Variants in PDZRN4 observed in about 807,000 individuals in gnomAD.
The protein encoded by PDZRN4 is PDZ domain containing ring finger 4, also known as PDZ domain-containing RING finger protein 4.
PDZRN4 carries 70 observed loss-of-function variants against 99.0 expected under a neutral mutation model. The observed-to-expected ratio is 0.71, with a 90% CI of 0.58 to 0.86. PDZRN4 has a LOEUF of 0.86. Among genes scored for constraint, PDZRN4 ranks in the 40% least tolerant of loss-of-function variants. The pLI is 0.00. For synonymous variants in PDZRN4, 551 were observed against 501.6 expected (o/e 1.10, Z -1.32); for missense variants, 1,474 against 1,331.2 (o/e 1.11, Z -1.67).
intron 5 of PDZRN4, among the ~76,000 whole-genome samples, chr12:41,545,257 C>G (rs866348610): frequency 6.6e-6 from 1 of 152,216 alleles, no homozygotes; most frequent in Non-Finnish European, 1.5e-5. Flanking sequence ...CCTCACCCAG[C>G]CCAATCTTAA....
intron 3 of PDZRN4, among the ~76,000 whole-genome samples, chr12:41,403,957 G>T (rs1165175996): frequency 6.6e-6 from 1 of 152,014 alleles, no homozygotes; most frequent in South Asian, 2.1e-4. Flanking sequence ...TATCTATTGG[G>T]GTGTTGGCTG....
chr12:41,573,429 G>A lies in PDZRN4; in HGVS notation c.2650G>A (p.Glu884Lys). Residue 884 changes from glutamate to lysine, a missense_variant, in exon 10 of 10, where the codon GAG becomes AAG. Physicochemically the swap from Glu to Lys is moderately conservative, Grantham distance 56. Coordinates refer to ENST00000402685, the MANE Select transcript of PDZRN4 (RefSeq NM_001164595.2). Reference protein sequence around the residue: ...SMCKESQKCSEPKMEWKVKIR... With the variant: ...SMCKESQKCSKPKMEWKVKIR... Reference sequence around the variant, plus strand: ...GTGCAAGGAGTCTCAGAAGTGTTCAGAGCCCAAGATGGAATGGAAGGTGAA... The same window carrying A: ...GTGCAAGGAGTCTCAGAAGTGTTCAAAGCCCAAGATGGAATGGAAGGTGAA... The A allele has an allele frequency of 6.2e-7, 1 of 1,613,838 alleles. No homozygotes were observed. The highest frequency in any genetic ancestry group is 8.5e-7 in the Non-Finnish European group (1 of 1,180,022).
chr12:41,540,759 CTG>C (rs1354429095), intron 5 of PDZRN4, among the ~76,000 whole-genome samples: 2 of 152,204 alleles, frequency 1.3e-5, no homozygotes, highest in Admixed American at 1.3e-4. Context: ...CTATTAAACT[CTG>C]TGTGCTTTGG....
chr12:41,286,940 G>T (rs1200992793), intron 3 of PDZRN4, among the ~76,000 whole-genome samples: 1 of 152,098 alleles, frequency 6.6e-6, no homozygotes, highest in Admixed American at 6.6e-5. Flanking sequence ...GCTTGGAAGT[G>T]ATGCCACTTG....
chr12:41,276,037 G>T (rs1191014224), intron 3 of PDZRN4, among the ~76,000 whole-genome samples: 1 of 152,146 alleles, frequency 6.6e-6, no homozygotes. Context: ...TTGACTAGCA[G>T]TAGTTTCACA....
At chr12:41,484,094 A>G (rs1937729108) in intron 3 of PDZRN4, among the ~76,000 whole-genome samples, 1 of 152,140 alleles carries the variant, frequency 6.6e-6, no homozygotes, top group Non-Finnish European at 1.5e-5. Context: ...AAGTTTATCA[A>G]CTTGTTTTTA....
At chr12:41,437,340 C>A (rs888081074) in intron 3 of PDZRN4, among the ~76,000 whole-genome samples, 2 of 152,056 alleles carry the variant, frequency 1.3e-5, no homozygotes, top group African/African-American at 4.8e-5. Flanking sequence ...AAAAATATTT[C>A]TCCTTCTTGT....
chr12:41,573,102 A>G lies in PDZRN4; in HGVS notation c.2323A>G (p.Thr775Ala), dbSNP rs748522253. 3.1e-6 allele frequency: 5 copies of G among 1,614,162 alleles called. No homozygotes were observed. The highest frequency in any genetic ancestry group is 4.2e-6 in the Non-Finnish European group (5 of 1,180,008). The change falls in exon 10 of 10, where the codon ACA becomes GCA. Residue 775 changes from threonine (T) to alanine (A), a missense_variant. Transcript: ENST00000402685. ...NLTNKKNLRS[T>A]MAATQSSSGQ... Reference sequence around the variant, plus strand: ...CACCAATAAGAAAAACCTGAGAAGCACAATGGCAGCCACCCAGTCCTCTTC... The same window carrying G: ...CACCAATAAGAAAAACCTGAGAAGCGCAATGGCAGCCACCCAGTCCTCTTC...
intron 3 of PDZRN4, among the ~76,000 whole-genome samples, chr12:41,471,410 T>A (rs1031668139): frequency 1.3e-5 from 2 of 152,094 alleles, no homozygotes; most frequent in African/African-American, 4.8e-5. Flanking sequence ...TATATTAGGA[T>A]AGCTGAATTT....
At chr12:41,217,801 A>C (rs1950931160) in intron 3 of PDZRN4, among the ~76,000 whole-genome samples, 1 of 152,036 alleles carries the variant, frequency 6.6e-6, no homozygotes. Context: ...ACAAGGCTAC[A>C]TTTTGGCCCT....
At chr12:41,320,682 G>A (rs891353504) in intron 3 of PDZRN4, among the ~76,000 whole-genome samples, 11 of 148,596 alleles carry the variant, frequency 7.4e-5, no homozygotes, top group African/African-American at 2.7e-4. Flanking sequence ...GACTCAGTAC[G>A]GTTTTAAAAG....
At chr12:41,562,872 A>T (rs576379324) in intron 7 of PDZRN4, among the ~76,000 whole-genome samples, 278 of 152,274 alleles carry the variant, frequency 1.8e-3, no homozygotes, top group African/African-American at 6.3e-3. Context: ...AATATTTTTT[A>T]AATTTTTAAA....
intron 3 of PDZRN4, among the ~76,000 whole-genome samples, chr12:41,322,381 C>T (rs1200914007): frequency 6.6e-6 from 1 of 151,610 alleles, no homozygotes; most frequent in African/African-American, 2.4e-5. Flanking sequence ...TTTTGGATCT[C>T]ATACTGGGAA....
At chr12:41,313,642 C>T (rs1951621180) in intron 3 of PDZRN4, among the ~76,000 whole-genome samples, 1 of 152,198 alleles carries the variant, frequency 6.6e-6, no homozygotes, top group Non-Finnish European at 1.5e-5. Context: ...ATTCTTCCTC[C>T]TCGTTGAGCC....
At chr12:41,268,825 C>T (rs1473104922) in intron 3 of PDZRN4, among the ~76,000 whole-genome samples, 6 of 151,970 alleles carry the variant, frequency 3.9e-5, no homozygotes, top group Non-Finnish European at 7.4e-5. Flanking sequence ...AAATTAAATT[C>T]GAGAAAGGAC....
chr12:41,573,474 C>T lies in PDZRN4; in HGVS notation c.2695C>T (p.Arg899Trp), dbSNP rs1939521384. ...GGTGAAAATTAGGAGCGACGGGACACGGTACATCACAAAGAGACCCGTGCG... is the reference window on the plus strand; with the variant it reads ...GGTGAAAATTAGGAGCGACGGGACATGGTACATCACAAAGAGACCCGTGCG... ...WKVKIRSDGTRYITKRPVRDR... is the reference protein window; with the variant it reads ...WKVKIRSDGTWYITKRPVRDR... The change falls in exon 10 of 10, where the codon CGG becomes TGG. Residue 899 changes from arginine to tryptophan, a missense_variant. Arg to Trp is a moderately radical substitution (Grantham distance 101). Transcript: ENST00000402685. 3 of 1,613,914 alleles carry T rather than the reference C, an allele frequency of 1.9e-6. No individual in the cohort carries two copies. Among genetic ancestry groups the T allele is most frequent in the Non-Finnish European group, 1.7e-6 (2 of 1,179,990 alleles).
chr12:41,254,208 T>G (rs2120815178), intron 3 of PDZRN4, among the ~76,000 whole-genome samples: 1 of 152,256 alleles, frequency 6.6e-6, no homozygotes, highest in East Asian at 1.9e-4. Context: ...AGCATTTTCT[T>G]TTATACTGTC....
intron 3 of PDZRN4, among the ~76,000 whole-genome samples, chr12:41,490,870 C>G (rs1172359213): frequency 6.6e-6 from 1 of 152,052 alleles, no homozygotes; most frequent in Non-Finnish European, 1.5e-5. Context: ...GCAATCTCAC[C>G]CTTCAAAGTC....
At chr12:41,301,319 A>T (rs1030356344) in intron 3 of PDZRN4, among the ~76,000 whole-genome samples, 2 of 152,002 alleles carry the variant, frequency 1.3e-5, no homozygotes, top group African/African-American at 4.8e-5. Context: ...GCTTTTCTCA[A>T]ATTTTCAATA....
Sources: allele counts gnomAD v4.1 joint callset (sites outside exome capture counted in the v4.1 genomes callset), GRCh38; gene constraint gnomAD v4.1.1; transcripts MANE v1.5; gene names NCBI Gene and HGNC (gene_info 2026-07-23, HGNC 2026-07-21).